The following OR4N2 variants were observed in gnomAD, a reference collection of about 807,000 sequenced individuals.
The protein encoded by OR4N2 is olfactory receptor 4N2.
For synonymous variants in OR4N2, 141 were observed against 140.4 expected, an observed-to-expected ratio of 1.00 and a Z score of -0.03; for missense variants, 307 against 377.6, an observed-to-expected ratio of 0.81 and a Z score of 1.55.
At chr14:19,819,578 C>A (rs1351219307) in intron 1 of OR4N2, among the ~76,000 whole-genome samples, 2 of 152,250 alleles carry the variant, frequency 1.3e-5, no homozygotes, top group East Asian at 3.8e-4. Flanking sequence ...TTCTAGTTAT[C>A]AATTCCTCTA....
intron 1 of OR4N2, among the ~76,000 whole-genome samples, chr14:19,825,657 A>G (rs999557354): frequency 6.6e-6 from 1 of 152,026 alleles, no homozygotes; most frequent in African/African-American, 2.4e-5. Context: ...CCGGGTTCAC[A>G]CCATTCTCCT....
At chr14:19,805,758 C>T (rs138744648) in intron 1 of OR4N2, among the ~76,000 whole-genome samples, 636 of 151,998 alleles carry the variant, frequency 4.2e-3, no homozygotes, top group Middle Eastern at 6.8e-3. Flanking sequence ...AGATATCGTA[C>T]GAGATGTACA....
At chr14:19,805,862 C>T (rs1170960027) in intron 1 of OR4N2, among the ~76,000 whole-genome samples, 1 of 152,154 alleles carries the variant, frequency 6.6e-6, no homozygotes, top group Non-Finnish European at 1.5e-5. Context: ...CCCCATCAGG[C>T]TAGCAGCAGA....
intron 1 of OR4N2, among the ~76,000 whole-genome samples, chr14:19,819,823 A>G (rs550454168): frequency 6.6e-6 from 1 of 152,370 alleles, no homozygotes; most frequent in African/African-American, 2.4e-5. Context: ...TTATGGACCT[A>G]TCTAACTTTG....
intron 1 of OR4N2, among the ~76,000 whole-genome samples, chr14:19,804,798 A>T (rs1013545478): frequency 1.3e-5 from 2 of 152,212 alleles, no homozygotes; most frequent in African/African-American, 4.8e-5. Flanking sequence ...GGGGTGTTGA[A>T]GTCTCCCAGT....
intron 1 of OR4N2, among the ~76,000 whole-genome samples, chr14:19,821,462 A>G (rs1232110819): frequency 1.3e-5 from 2 of 152,164 alleles, no homozygotes; most frequent in Admixed American, 1.3e-4. Flanking sequence ...ATATATATGT[A>G]TATATGTATT....
chr14:19,822,189 C>T (rs1367307438), intron 1 of OR4N2: 7 of 152,288 alleles, frequency 4.6e-5, no homozygotes, highest in South Asian at 4.1e-4. Flanking sequence ...TCTCCATCTG[C>T]ATTTAATGCT....
In OR4N2 at chr14:19,825,526, CTTATTTAT is replaced by C. The variant is rs71108560; in HGVS notation, c.-9-1875_-9-1868del. ...CTTCCGCACCCCATGTGCTAGAGCA[CTTATTTAT>C]TTATTTATTTATTTATTTATTTATT... On this transcript the variant is annotated intron_variant, in intron 1 of 1. Coordinates refer to ENST00000557677, the MANE Select transcript of OR4N2 (RefSeq NM_001004723.3). Among the ~76,000 whole-genome samples, 716 of 140,770 alleles carry C rather than the reference CTTATTTAT, an allele frequency of 5.1e-3. 2 individuals are homozygous for C. The highest frequency in any genetic ancestry group is 0.019 in the Middle Eastern group (5 of 266). 92.4% of individuals were successfully genotyped at this position (140,770 alleles called of 152,430 possible). A position where few individuals can be genotyped will look rare whatever the true frequency, so the allele number is the denominator to read the frequency against.
In OR4N2 at chr14:19,827,895, G is replaced by T; in HGVS notation, c.447G>T (p.Trp149Cys). 1.9e-6 allele frequency: 3 copies of T among 1,614,242 alleles called. No homozygotes were observed. Among genetic ancestry groups the T allele is most frequent in the African/African-American group, 1.3e-5 (1 of 75,060 alleles). The change falls in exon 2 of 2, where the codon TGG becomes TGT. Residue 149 changes from tryptophan (W) to cysteine (C), a missense_variant. By Grantham distance (215) the Trp-to-Cys change is radical (BLOSUM62 -2). Coordinates refer to ENST00000557677, the MANE Select transcript of OR4N2 (RefSeq NM_001004723.3). ...GCTATGCAATGATGTTGGCTCTGTG[G>T]CTTGGGGGTTTTGTCCACTCCATTA... ...RTCYAMMLALWLGGFVHSIIQ... is the reference protein window; with the variant it reads ...RTCYAMMLALCLGGFVHSIIQ...
At chr14:19,814,808 C>G (rs962629888) in intron 1 of OR4N2, among the ~76,000 whole-genome samples, 4 of 152,234 alleles carry the variant, frequency 2.6e-5, no homozygotes, top group Non-Finnish European at 5.9e-5. Flanking sequence ...TCTCCTAATG[C>G]TATCCTTCCC....
At chr14:19,812,302 CTT>C (rs202011658) in intron 1 of OR4N2, among the ~76,000 whole-genome samples, 7 of 132,190 alleles carry the variant, frequency 5.3e-5, no homozygotes, top group Non-Finnish European at 1.1e-4. Flanking sequence ...TTTGACTTTT[CTT>C]TTTTTTTTTC....
At chr14:19,812,309 T>C (rs1197257047) in intron 1 of OR4N2, among the ~76,000 whole-genome samples, 10 of 126,726 alleles carry the variant, frequency 7.9e-5, no homozygotes, top group African/African-American at 1.2e-4. Context: ...TTTCTTTTTT[T>C]TTTTCTTTTC....
At chr14:19,813,387 T>C (rs920376120) in intron 1 of OR4N2, among the ~76,000 whole-genome samples, 27 of 152,242 alleles carry the variant, frequency 1.8e-4, no homozygotes, top group African/African-American at 6.0e-4. Flanking sequence ...TTGTGGGTAG[T>C]AAGAAGAATT....
chr14:19,813,975 T>C (rs1879365415), intron 1 of OR4N2, among the ~76,000 whole-genome samples: 5 of 152,070 alleles, frequency 3.3e-5, no homozygotes. Context: ...TTCTTCTTTC[T>C]TTCCTTTTTC....
chr14:19,819,957 T>A (rs111668947), intron 1 of OR4N2, among the ~76,000 whole-genome samples: 1 of 152,268 alleles, frequency 6.6e-6, no homozygotes, highest in South Asian at 2.1e-4. Context: ...GCTGCAGGTC[T>A]GCTGGAGTTT....
At position 19,827,457 on chromosome 14, in the gene OR4N2, C is replaced by T. The variant is rs562061142; in HGVS notation, c.9C>T (p.Ser3=). 2.8e-5 allele frequency: 44 copies of T among 1,585,082 alleles called. No individual in the cohort carries two copies. In the African/African-American group the frequency reaches 3.4e-4, roughly 12 times the overall value. ...TACTGCAGGCCAGGGAAATGGAAAGCGAGAACAGAACAGTGATAAGAGAAT... is the reference window on the plus strand; with the variant it reads ...TACTGCAGGCCAGGGAAATGGAAAGTGAGAACAGAACAGTGATAAGAGAAT... The part of the protein sequence containing the change: ME[S]ENRTVIREFI... Residue 3 remains serine (S), a synonymous_variant, in exon 2 of 2, where the codon AGC becomes AGT. Transcript: ENST00000557677.
chr14:19,812,069 T>G (rs182712595), intron 1 of OR4N2, among the ~76,000 whole-genome samples: 3 of 152,300 alleles, frequency 2.0e-5, no homozygotes, highest in East Asian at 3.9e-4. Flanking sequence ...ACAAGGAAAT[T>G]TATCAAGGGT....
chr14:19,812,275 T>TAAAGA (rs1879315463), intron 1 of OR4N2, among the ~76,000 whole-genome samples: 1 of 151,810 alleles, frequency 6.6e-6, no homozygotes, highest in Non-Finnish European at 1.5e-5. Flanking sequence ...AAATTCTCTT[T>TAAAGA]GAATTTTCTG....
chr14:19,812,231 A>G (rs1482536837), intron 1 of OR4N2, among the ~76,000 whole-genome samples: 1 of 152,098 alleles, frequency 6.6e-6, no homozygotes, highest in African/African-American at 2.4e-5. Flanking sequence ...TAAAAATATT[A>G]GAAGTCATGC....
Sources: allele counts gnomAD v4.1 joint callset (sites outside exome capture counted in the v4.1 genomes callset), GRCh38; gene constraint gnomAD v4.1.1; transcripts MANE v1.5; gene names NCBI Gene and HGNC (gene_info 2026-07-23, HGNC 2026-07-21).